NUBPL: variants seen among roughly 807,000 people sequenced by gnomAD.
NUBPL encodes the protein iron-sulfur cluster transfer protein NUBPL.
Under a neutral mutation model 45.7 loss-of-function variants are expected in NUBPL, and 31 were observed. The ratio of observed to expected loss-of-function variants is 0.68; its 90% confidence interval spans 0.51 to 0.92. NUBPL has a LOEUF of 0.92. NUBPL is among the 40% of genes least tolerant of loss of function. The pLI is 0.00. For missense variants in NUBPL, 401 were observed against 398.7 expected (o/e 1.01, Z -0.05); for synonymous variants, 144 against 140.9 (o/e 1.02, Z -0.15).
intron 4 of NUBPL, among the ~76,000 whole-genome samples, chr14:31,636,930 G>A (rs1182445168): frequency 1.3e-5 from 2 of 152,094 alleles, no homozygotes; most frequent in African/African-American, 4.8e-5. Flanking sequence ...TGGGATCAGT[G>A]GTGATATCCC....
At chr14:31,661,022 C>A (rs1412164704) in intron 4 of NUBPL, among the ~76,000 whole-genome samples, 1 of 152,166 alleles carries the variant, frequency 6.6e-6, no homozygotes, top group Non-Finnish European at 1.5e-5. Flanking sequence ...GTCACAGTGG[C>A]ATTTATTCTA....
intron 7 of NUBPL, among the ~76,000 whole-genome samples, chr14:31,803,009 A>C (rs530702252): frequency 1.2e-4 from 18 of 152,300 alleles, no homozygotes; most frequent in African/African-American, 4.3e-4. Context: ...AAAAAGTTAA[A>C]CTTGCCTACC....
rs1350889635 is a variant in NUBPL, at chr14:31,753,730, C to T, written c.514-34050C>T. Among the ~76,000 whole-genome samples the T allele has an allele frequency of 3.3e-5, 5 of 152,120 alleles. No individual in the cohort carries two copies. The South Asian group carries it at 6.2e-4, about 19-fold the overall frequency. ...GTGGACTAAAGGCAGCTTCCTATCCCGGGCTCAGGGCCTGTGACAACTGTG... is the reference window on the plus strand; with the variant it reads ...GTGGACTAAAGGCAGCTTCCTATCCTGGGCTCAGGGCCTGTGACAACTGTG... On this transcript the variant is annotated intron_variant, in intron 6 of 10. Coordinates refer to ENST00000281081, the MANE Select transcript of NUBPL (RefSeq NM_025152.3).
chr14:31,843,075 A>G (rs2040401204), intron 8 of NUBPL, among the ~76,000 whole-genome samples: 1 of 152,130 alleles, frequency 6.6e-6, no homozygotes, highest in African/African-American at 2.4e-5. Context: ...TTTGGCTTCA[A>G]CACTCCTCTG....
chr14:31,844,909 A>G (rs2040429103), intron 8 of NUBPL: 1 of 152,218 alleles, frequency 6.6e-6, no homozygotes, highest in Non-Finnish European at 1.5e-5. Flanking sequence ...GAACATGAGT[A>G]AGGATTATAT....
At chr14:31,783,428 G>A (rs1259026222) in intron 6 of NUBPL, among the ~76,000 whole-genome samples, 1 of 151,934 alleles carries the variant, frequency 6.6e-6, no homozygotes, top group East Asian at 1.9e-4. Context: ...GTGTTTTTCA[G>A]GTACATTAAA....
At chr14:31,608,269 A>T (rs1226627573) in intron 4 of NUBPL, among the ~76,000 whole-genome samples, 2 of 152,168 alleles carry the variant, frequency 1.3e-5, no homozygotes, top group African/African-American at 4.8e-5. Context: ...AGAAAAGGAC[A>T]TAGGCTGAGT....
intron 6 of NUBPL, among the ~76,000 whole-genome samples, chr14:31,774,499 C>T (rs2138774911): frequency 6.6e-6 from 1 of 152,268 alleles, no homozygotes; most frequent in East Asian, 1.9e-4. Context: ...CTGTTTTGAT[C>T]TGTTTCTTAA....
At chr14:31,692,305 A>G (rs1247881901) in intron 6 of NUBPL, among the ~76,000 whole-genome samples, 1 of 152,186 alleles carries the variant, frequency 6.6e-6, no homozygotes, top group African/African-American at 2.4e-5. Context: ...GCTCCTGAAC[A>G]TAGATATAAT....
In NUBPL at chr14:31,636,546, A is replaced by G. The variant is rs537978949; in HGVS notation, c.383-36809A>G. On this transcript the variant is annotated intron_variant, in intron 4 of 10. Transcript: ENST00000281081. ...TGTTCATCAAGGATATTGGTCTAAA[A>G]TTCTCTTTTTTGGTTGTGTCTCTGC... Among the ~76,000 whole-genome samples the G allele has an allele frequency of 9.2e-4, 140 of 152,174 alleles. 1 individual carries two copies. In the East Asian group the frequency reaches 0.026, roughly 29 times the overall value.
At position 31,758,841 on chromosome 14, in the gene NUBPL, C is replaced by A. The variant is rs1220422141; in HGVS notation, c.514-28939C>A. Among the ~76,000 whole-genome samples the A allele has an allele frequency of 2.0e-5, 3 of 152,068 alleles. No individual in the cohort carries two copies. The South Asian group carries it at 6.2e-4, about 32-fold the overall frequency. On this transcript the variant is annotated intron_variant, in intron 6 of 10. Coordinates refer to ENST00000281081, the MANE Select transcript of NUBPL (RefSeq NM_025152.3). Reference sequence around the variant, plus strand: ...CTGTTTTACTAATGAAGTAATTTTGCATTCTACTGTTTAGTATTGAAGATT... The same window carrying A: ...CTGTTTTACTAATGAAGTAATTTTGAATTCTACTGTTTAGTATTGAAGATT...
At chr14:31,813,931 TC>T (rs2039865782) in intron 7 of NUBPL, among the ~76,000 whole-genome samples, 1 of 152,218 alleles carries the variant, frequency 6.6e-6, no homozygotes, top group Admixed American at 6.5e-5. Context: ...ATCCAGTCCA[TC>T]ATTGATGGGC....
chr14:31,758,978 A>T (rs926530756), intron 6 of NUBPL, among the ~76,000 whole-genome samples: 1 of 152,116 alleles, frequency 6.6e-6, no homozygotes, highest in South Asian at 2.1e-4. Flanking sequence ...TACCATAGCC[A>T]GGTGGACGGT....
At chr14:31,745,196 C>A (rs1036625395) in intron 6 of NUBPL, among the ~76,000 whole-genome samples, 6 of 152,030 alleles carry the variant, frequency 3.9e-5, no homozygotes, top group Admixed American at 2.0e-4. Context: ...TGCTATCCCT[C>A]CCCGCTCTCC....
At chr14:31,838,218 T>G (rs913259622) in intron 8 of NUBPL, among the ~76,000 whole-genome samples, 2 of 150,734 alleles carry the variant, frequency 1.3e-5, no homozygotes, top group African/African-American at 4.9e-5. Flanking sequence ...TGATAGAACT[T>G]TATTTGGAAA....
At chr14:31,614,937 C>T (rs2034856594) in intron 4 of NUBPL, among the ~76,000 whole-genome samples, 1 of 152,126 alleles carries the variant, frequency 6.6e-6, no homozygotes, top group Non-Finnish European at 1.5e-5. Context: ...TTGGGCTAAA[C>T]TTTGCAAAGT....
intron 3 of NUBPL, among the ~76,000 whole-genome samples, chr14:31,569,321 T>G (rs1282734415): frequency 6.6e-6 from 1 of 152,024 alleles, no homozygotes; most frequent in Non-Finnish European, 1.5e-5. Context: ...CTCATCCTCC[T>G]GAGCAGCTGG....
intron 4 of NUBPL, among the ~76,000 whole-genome samples, chr14:31,659,021 T>C (rs750877243): frequency 3.9e-5 from 6 of 152,192 alleles, no homozygotes; most frequent in Non-Finnish European, 8.8e-5. Context: ...GGAATAGTTA[T>C]GGAGAGCTGT....
intron 7 of NUBPL, among the ~76,000 whole-genome samples, chr14:31,819,771 G>T (rs961656024): frequency 1.3e-5 from 2 of 152,104 alleles, no homozygotes; most frequent in Non-Finnish European, 2.9e-5. Flanking sequence ...CCTTTTAAAA[G>T]GATTATAAGT....
Sources: allele counts gnomAD v4.1 joint callset (sites outside exome capture counted in the v4.1 genomes callset), GRCh38; gene constraint gnomAD v4.1.1; transcripts MANE v1.5; gene names NCBI Gene and HGNC (gene_info 2026-07-23, HGNC 2026-07-21).